Variants in CFAP20DC observed in about 807,000 individuals in gnomAD.
CFAP20DC encodes CFAP20 domain containing.
A neutral mutation model predicts 101.7 loss-of-function variants in CFAP20DC; 84 were observed. The ratio of observed to expected loss-of-function variants is 0.83; its 90% CI spans 0.69 to 0.99. The LOEUF (loss-of-function observed/expected upper bound fraction) is 0.99, where lower values mean the gene tolerates loss of function less well. CFAP20DC is among the 50% of genes least tolerant of loss of function. The pLI is 0.00. For missense variants in CFAP20DC, 1,007 were observed against 970.3 expected (o/e 1.04, Z -0.50); for synonymous variants, 359 against 351.2 (o/e 1.02, Z -0.25).
At chr3:58,808,168 A>G (rs531759054) in intron 14 of CFAP20DC, among the ~76,000 whole-genome samples, 10 of 152,226 alleles carry the variant, frequency 6.6e-5, no homozygotes, top group Non-Finnish European at 1.5e-4. Context: ...GAACTTCCCC[A>G]ATCTAGCAAG....
At chr3:58,988,174 T>G (rs945073491) in intron 4 of CFAP20DC, among the ~76,000 whole-genome samples, 1 of 152,060 alleles carries the variant, frequency 6.6e-6, no homozygotes, top group African/African-American at 2.4e-5. Flanking sequence ...ATCCATGACA[T>G]TAACAGACTA....
intron 4 of CFAP20DC, among the ~76,000 whole-genome samples, chr3:59,023,086 C>T (rs2093831288): frequency 6.6e-6 from 1 of 151,644 alleles, no homozygotes; most frequent in Admixed American, 6.6e-5. Flanking sequence ...ATTAGTATTC[C>T]AGGAACTAAG....
chr3:59,029,090 A>T (rs968339648), intron 4 of CFAP20DC, among the ~76,000 whole-genome samples: 10 of 152,134 alleles, frequency 6.6e-5, no homozygotes, highest in African/African-American at 2.4e-4. Context: ...TTTTAAATGG[A>T]TCTTTCACTC....
intron 6 of CFAP20DC, among the ~76,000 whole-genome samples, chr3:58,905,560 T>G (rs1576241898): frequency 2.6e-5 from 4 of 152,236 alleles, no homozygotes; most frequent in Non-Finnish European, 1.5e-5. Context: ...ATTCACTTTC[T>G]ATTATATCCC....
At chr3:58,967,042 G>C (rs2091602663) in intron 4 of CFAP20DC, among the ~76,000 whole-genome samples, 2 of 152,060 alleles carry the variant, frequency 1.3e-5, no homozygotes, top group Non-Finnish European at 2.9e-5. Flanking sequence ...AAATGCAAAG[G>C]ACCCAGAGCA....
intron 15 of CFAP20DC, among the ~76,000 whole-genome samples, chr3:58,780,092 C>G (rs1270354788): frequency 4.6e-5 from 7 of 151,968 alleles, no homozygotes; most frequent in African/African-American, 1.7e-4. Flanking sequence ...AAACTGTCAG[C>G]CAAGGATACT....
intron 12 of CFAP20DC, among the ~76,000 whole-genome samples, chr3:58,855,815 T>C (rs891805096): frequency 3.3e-5 from 4 of 122,946 alleles, no homozygotes; most frequent in Non-Finnish European, 6.3e-5. Flanking sequence ...AAGGGGAACA[T>C]CACAGTCTGG....
intron 14 of CFAP20DC, among the ~76,000 whole-genome samples, chr3:58,816,743 AG>A (rs1406480024): frequency 6.6e-6 from 1 of 152,192 alleles, no homozygotes; most frequent in Non-Finnish European, 1.5e-5. Context: ...AGGCTTGCTT[AG>A]GTAAACAAAG....
At chr3:58,938,261 C>T (rs1367195186) in intron 4 of CFAP20DC, among the ~76,000 whole-genome samples, 1 of 152,212 alleles carries the variant, frequency 6.6e-6, no homozygotes, top group Non-Finnish European at 1.5e-5. Flanking sequence ...CACATATCTT[C>T]CAACCAGAAT....
At chr3:58,737,304 T>TCA (rs72290352), downstream of CFAP20DC, 662 of 435,106 alleles carry the variant, frequency 1.5e-3, 1 homozygote, top group South Asian at 2.1e-3. The surrounding 1 kb of genome is among the most constrained non-coding windows in gnomAD (Gnocchi z 4.1). Context: ...CAAATCTCTC[T>TCA]CACACACACA....
At chr3:58,935,569 A>G (rs1399060881) in intron 5 of CFAP20DC, among the ~76,000 whole-genome samples, 1 of 152,128 alleles carries the variant, frequency 6.6e-6, no homozygotes, top group Non-Finnish European at 1.5e-5. Flanking sequence ...CTGGTACCAA[A>G]ACAGAGATAT....
chr3:58,726,248 C>T (rs1158785696), intron 3 of CFAP20DC: 1 of 152,126 alleles, frequency 6.6e-6, no homozygotes, highest in Non-Finnish European at 1.5e-5. Flanking sequence ...GGAGTTTCTT[C>T]ATAGATGGGA....
intron 6 of CFAP20DC, among the ~76,000 whole-genome samples, chr3:58,885,209 T>C (rs759598453): frequency 4.6e-5 from 7 of 152,168 alleles, no homozygotes; most frequent in Non-Finnish European, 8.8e-5. Flanking sequence ...TCAGAGTTTC[T>C]TGTTACCCTT....
At chr3:58,792,997 T>C (rs879659027) in intron 15 of CFAP20DC, among the ~76,000 whole-genome samples, 1 of 152,254 alleles carries the variant, frequency 6.6e-6, no homozygotes, top group African/African-American at 2.4e-5. Flanking sequence ...TATTTTATAA[T>C]AGATGGTACC....
chr3:59,047,389 C>T, intron 1 of CFAP20DC, 135 bp from the exon 2 acceptor site: 1 of 602,984 alleles, frequency 1.7e-6, no homozygotes, highest in Admixed American at 2.8e-5. Flanking sequence ...GTTATTACTC[C>T]TACTTTATAC....
chr3:59,034,203 T>A (rs886400028), intron 4 of CFAP20DC, among the ~76,000 whole-genome samples: 2 of 151,972 alleles, frequency 1.3e-5, no homozygotes, highest in South Asian at 4.2e-4. Context: ...AAGCACTAAA[T>A]ATGAAAAGGA....
rs973861515 is a variant in CFAP20DC at position 58,849,073 on chromosome 3, C to G, written c.1930G>C (p.Glu644Gln). ...PASLNKTSLK[E>Q]ISGERLSSIP... Reference sequence around the variant, plus strand: ...GAGCTCAGCCTTTCCCCTGAGATTTCTTTCAGGGAGGTTTTGTTTAGTGAA... The same window carrying G: ...GAGCTCAGCCTTTCCCCTGAGATTTGTTTCAGGGAGGTTTTGTTTAGTGAA... Residue 644 changes from glutamate (E) to glutamine (Q), a missense_variant, in exon 13 of 17, where the codon GAA becomes CAA. Physicochemically the swap from Glu to Gln is conservative, Grantham distance 29 (BLOSUM62 2). Transcript: ENST00000482387. The G allele has an allele frequency of 2.6e-6, 4 of 1,536,004 alleles. No individual in the cohort carries two copies. Among genetic ancestry groups the G allele is most frequent in the Admixed American group, 2.0e-5 (1 of 50,978 alleles).
intron 10 of CFAP20DC, among the ~76,000 whole-genome samples, chr3:58,867,029 T>C (rs1213006536): frequency 6.6e-6 from 1 of 152,200 alleles, no homozygotes; most frequent in Non-Finnish European, 1.5e-5. Context: ...TTTCTTTAAA[T>C]TATAATTCTT....
At chr3:58,792,900 G>A (rs2072970580) in intron 15 of CFAP20DC, among the ~76,000 whole-genome samples, 2 of 152,028 alleles carry the variant, frequency 1.3e-5, no homozygotes, top group Non-Finnish European at 2.9e-5. Flanking sequence ...TGCTAAAAAT[G>A]TAATTAAAAT....
Sources: allele counts gnomAD v4.1 joint callset (sites outside exome capture counted in the v4.1 genomes callset), GRCh38; gene constraint gnomAD v4.1.1; non-coding constraint Gnocchi (gnomAD v3.1); transcripts MANE v1.5; gene names NCBI Gene and HGNC (gene_info 2026-07-23, HGNC 2026-07-21).